Variants in POLR2L observed in about 807,000 individuals in gnomAD.
The protein encoded by POLR2L is RNA polymerase II, I and III subunit L.
POLR2L carries 7 observed loss-of-function variants against 6.8 expected under a neutral mutation model. The observed-to-expected ratio is 1.03, with a 90% CI of 0.59 to 1.94. The LOEUF (loss-of-function observed/expected upper bound fraction) is 1.94. Ranked by LOEUF, POLR2L falls within the 30% of genes most tolerant of loss-of-function variation. The pLI, the probability that POLR2L is intolerant of heterozygous loss-of-function variation, is 0.00. For synonymous variants in POLR2L, 59 were observed against 39.8 expected, an observed-to-expected ratio of 1.48 and a Z score of -1.82; for missense variants, 93 against 86.7, an observed-to-expected ratio of 1.07 and a Z score of -0.29.
At chr11:840,559 C>G (rs1051895951) in intron 1 of POLR2L, 79 bp from the exon 2 acceptor site, 1 of 992,156 alleles carries the variant, frequency 1.0e-6, no homozygotes, top group Non-Finnish European at 1.6e-6. Flanking sequence ...CAACCTGCCT[C>G]TCACTGCCTG....
rs986029614 is a variant in POLR2L, at chr11:840,033, G to A, written c.*339C>T. On this transcript the variant is annotated 3_prime_UTR_variant, in exon 2 of 2. Transcript: ENST00000322028. ...ACCCAGAAGGAGGGAACCTCAAAGA[G>A]CCCCGAGATGGAAGGCTCTCCTGGC... 2.7e-5 allele frequency: 6 copies of A among 221,134 alleles called. No homozygotes were observed. The highest frequency in any genetic ancestry group is 4.5e-5 in the Non-Finnish European group (5 of 111,244). 13.7% of individuals were successfully genotyped at this position (221,134 alleles called of 1,614,324 possible). A position where few individuals can be genotyped will look rare whatever the true frequency, so the allele number is the denominator to read the frequency against.
intron 1 of POLR2L, 118 bp downstream of exon 1, chr11:842,296 C>G: frequency 1.7e-6 from 1 of 597,578 alleles, no homozygotes. Flanking sequence ...TCATGGGGCG[C>G]TGGCCTCAGG....
At position 840,348 on chromosome 11, in the gene POLR2L, G is replaced by C; in HGVS notation, c.*24C>G. On this transcript the variant is annotated 3_prime_UTR_variant, in exon 2 of 2. Coordinates refer to ENST00000322028, the MANE Select transcript of POLR2L (RefSeq NM_021128.5). Reference sequence around the variant, plus strand: ...ACGCTCAGGGCCCATGGTCAGCACAGCGGGTGGGTGGGTTCCAGCGTGGTC... The same window carrying C: ...ACGCTCAGGGCCCATGGTCAGCACACCGGGTGGGTGGGTTCCAGCGTGGTC... 1.4e-6 allele frequency: 2 copies of C among 1,468,090 alleles called. No homozygotes were observed. The highest frequency in any genetic ancestry group is 2.3e-5 in the South Asian group (2 of 85,234). The allele number at this position is 1,468,090 out of a possible 1,614,324, so 90.9% of individuals were successfully genotyped here.
rs954118265 is a variant in POLR2L at position 840,062 on chromosome 11, G to A, written c.*310C>T. ...CGAGATGGAAGGCTCTCCTGGCAGC[G>A]CCTCCTGCAGGGGTGCCTGTGGAAC... On this transcript the variant is annotated 3_prime_UTR_variant, in exon 2 of 2. Transcript: ENST00000322028. 1.1e-4 allele frequency: 29 copies of A among 269,544 alleles called. No individual in the cohort carries two copies. The highest frequency in any genetic ancestry group is 5.7e-4 in the African/African-American group (26 of 45,276). 16.7% of individuals were successfully genotyped at this position (269,544 alleles called of 1,614,324 possible).
chr11:841,729 T>C (rs1468637496), intron 1 of POLR2L, among the ~76,000 whole-genome samples: 8 of 151,886 alleles, frequency 5.3e-5, no homozygotes, highest in Non-Finnish European at 8.8e-5. Context: ...CGAAATCCCA[T>C]CTCTACTGAA....
At chr11:840,998 C>G (rs1397393668) in intron 1 of POLR2L, among the ~76,000 whole-genome samples, 1 of 152,212 alleles carries the variant, frequency 6.6e-6, no homozygotes, top group Admixed American at 6.5e-5. Context: ...TCTCCCACTT[C>G]CCAAGCCAAT....
rs1433506919 is a variant in POLR2L, at chr11:842,345, G to A, written c.95+69C>T. 6.8e-6 allele frequency: 8 copies of A among 1,173,952 alleles called. No individual in the cohort carries two copies. In the South Asian group the frequency reaches 6.9e-5, roughly 10 times the overall value. The allele number at this position is 1,173,952 out of a possible 1,614,324, so 72.7% of individuals were successfully genotyped here. ...CCCGCCCCGGCGCGCACCCCAGGGC[G>A]GACTCAGCCCCCAGCCCCGGCCCGC... is the stretch of plus-strand genomic sequence containing the variant. On this transcript the variant is annotated intron_variant, in intron 1 of 1. Transcript: ENST00000322028.
At chr11:840,619 C>T (rs192698300) in intron 1 of POLR2L, 139 bp from the exon 2 acceptor site, 12 of 629,800 alleles carry the variant, frequency 1.9e-5, no homozygotes, top group Non-Finnish European at 3.4e-5. Flanking sequence ...TCACCCGGCT[C>T]AGAAGCTGAG....
In POLR2L at chr11:842,466, C is replaced by G. The variant is rs1209654450; in HGVS notation, c.43G>C (p.Gly15Arg). ...VRCFTCGKIV[G>R]NKWEAYLGLL... ...CCCAGGTAAGCCTCCCACTTGTTGC[C>G]GACGATCTTGCCACAAGTGAAGCAG... Residue 15 changes from glycine (G) to arginine (R), a missense_variant, in exon 1 of 2, where the codon GGC (glycine) becomes CGC (arginine). By Grantham distance (125) the Gly-to-Arg change is moderately radical (BLOSUM62 -2). Coordinates refer to ENST00000322028, the MANE Select transcript of POLR2L (RefSeq NM_021128.5). 1.9e-6 allele frequency: 3 copies of G among 1,597,402 alleles called. No homozygotes were observed. The highest frequency in any genetic ancestry group is 8.5e-7 in the Non-Finnish European group (1 of 1,173,550).
At chr11:842,324 C>A in intron 1 of POLR2L, 90 bp downstream of exon 1, 1 of 909,798 alleles carries the variant, frequency 1.1e-6, no homozygotes, top group Non-Finnish European at 1.5e-6. Context: ...GCGCCTCCCG[C>A]CCCGGCGCGC....
chr11:840,965 G>C (rs1038068271), intron 1 of POLR2L, among the ~76,000 whole-genome samples: 3 of 152,084 alleles, frequency 2.0e-5, no homozygotes, highest in African/African-American at 7.2e-5. Flanking sequence ...ATCAGAGAGA[G>C]ACTGCTTCTC....
intron 1 of POLR2L, 87 bp downstream of exon 1, chr11:842,327 C>A (rs1846995301): frequency 2.1e-6 from 2 of 935,702 alleles, no homozygotes; most frequent in Non-Finnish European, 3.0e-6. Flanking sequence ...CCTCCCGCCC[C>A]GGCGCGCACC....
At chr11:840,549 C>T in intron 1 of POLR2L, 69 bp from the exon 2 acceptor site, 1 of 1,094,638 alleles carries the variant, frequency 9.1e-7, no homozygotes, top group East Asian at 2.4e-5. Flanking sequence ...AGCCCACATC[C>T]AACCTGCCTC....
intron 1 of POLR2L, among the ~76,000 whole-genome samples, chr11:840,727 G>GT (rs1214093430): frequency 1.3e-5 from 2 of 152,186 alleles, no homozygotes; most frequent in Admixed American, 1.3e-4. Context: ...GGCTGTACGT[G>GT]TGTGTGTATA....
At chr11:842,038 G>C (rs1846983984) in intron 1 of POLR2L, among the ~76,000 whole-genome samples, 2 of 152,146 alleles carry the variant, frequency 1.3e-5, no homozygotes, top group South Asian at 4.1e-4. Context: ...GTCAGCCGCC[G>C]CGCCCGCCCG....
intron 1 of POLR2L, among the ~76,000 whole-genome samples, chr11:842,022 A>G (rs2133968809): frequency 6.6e-6 from 1 of 152,258 alleles, no homozygotes; most frequent in Admixed American, 6.5e-5. Context: ...TGCTGGGATT[A>G]CAGATGTCAG....
Position 839,721 on chromosome 11 carries a change from T to G in POLR2L, c.*651A>C, listed in dbSNP as rs1846912845. 6.6e-6 allele frequency: 1 copy of G among 152,402 alleles called. No individual in the cohort carries two copies. The highest frequency in any genetic ancestry group is 1.5e-5 in the Non-Finnish European group (1 of 68,174). The allele number at this position is 152,402 out of a possible 1,614,324, so 9.4% of individuals were successfully genotyped here. ...GTGCAGTGGTGCAAACACAGTTCAC[T>G]GCAGTGGCAACCTCCCAGGTTCCAG... is the stretch of plus-strand genomic sequence containing the variant. On this transcript the variant is annotated 3_prime_UTR_variant, in exon 2 of 2. Transcript: ENST00000322028.
rs1846925116 is a variant in POLR2L, at chr11:840,262, A to G, written c.*110T>C. 7.1e-6 allele frequency: 5 copies of G among 702,226 alleles called. No homozygotes were observed. Among genetic ancestry groups the G allele is most frequent in the Non-Finnish European group, 1.3e-5 (5 of 394,996 alleles). 43.5% of individuals were successfully genotyped at this position (702,226 alleles called of 1,614,324 possible). On this transcript the variant is annotated 3_prime_UTR_variant, in exon 2 of 2. Coordinates refer to ENST00000322028, the MANE Select transcript of POLR2L (RefSeq NM_021128.5). ...CCAGAGTGGGGTATCGGATACACAC[A>G]CACTGCGGCCAGGCATTACGCCAGC...
chr11:841,832 G>A (rs1846976744), intron 1 of POLR2L, among the ~76,000 whole-genome samples: 1 of 152,310 alleles, frequency 6.6e-6, no homozygotes, highest in East Asian at 1.9e-4. Flanking sequence ...CCAGGAGGCG[G>A]GGGTTGCAGT....
Sources: allele counts gnomAD v4.1 joint callset (sites outside exome capture counted in the v4.1 genomes callset), GRCh38; gene constraint gnomAD v4.1.1; transcripts MANE v1.5; gene names NCBI Gene and HGNC (gene_info 2026-07-23, HGNC 2026-07-21).